The following FZR1 variants were observed in gnomAD, a reference collection of about 807,000 sequenced individuals.
FZR1 encodes the protein fizzy-related protein homolog.
In FZR1, 11 loss-of-function variants were observed where a neutral mutation model predicts 63.6. That is an observed-to-expected ratio of 0.17 (90% confidence interval 0.11 to 0.29). The LOEUF (loss-of-function observed/expected upper bound fraction) is 0.29. Among genes scored for constraint, FZR1 ranks in the 10% least tolerant of loss-of-function variants. FZR1 has a pLI of 1.00. For missense variants in FZR1, 440 were observed against 687.5 expected (o/e 0.64, Z 4.03); for synonymous variants, 328 against 297.9 (o/e 1.10, Z -1.04).
At chr19:3,529,410 AGATGGGAGAGTG>A (rs2083206456) in intron 7 of FZR1, among the ~76,000 whole-genome samples, 1 of 96,650 alleles carries the variant, frequency 1.0e-5, no homozygotes, top group African/African-American at 4.0e-5. Flanking sequence ...ATGGGAGAGC[AGATGGGAGAGTG>A]GATGAGAGTG....
chr19:3,527,982 C>T (rs1270091033), intron 7 of FZR1, among the ~76,000 whole-genome samples, 168 bp downstream of exon 7: 1 of 151,952 alleles, frequency 6.6e-6, no homozygotes, highest in African/African-American at 2.4e-5. Context: ...AGCCACTACC[C>T]TCCCAGCCCT....
intron 1 of FZR1, among the ~76,000 whole-genome samples, chr19:3,509,006 C>T (rs983176978): frequency 1.3e-5 from 2 of 152,224 alleles, no homozygotes; most frequent in Non-Finnish European, 2.9e-5. Flanking sequence ...GACCTGGGCA[C>T]CTACCAGCAG....
At chr19:3,511,967 C>T (rs956588274) in intron 1 of FZR1, among the ~76,000 whole-genome samples, 4 of 152,186 alleles carry the variant, frequency 2.6e-5, no homozygotes, top group Admixed American at 6.5e-5. Context: ...CGCTAGGCCC[C>T]GGCTCTGGTT....
intron 1 of FZR1, among the ~76,000 whole-genome samples, chr19:3,508,920 G>A (rs545300065): frequency 2.0e-5 from 3 of 152,256 alleles, no homozygotes; most frequent in East Asian, 3.9e-4. Context: ...CCTGGTCCCC[G>A]CTCCGCCTCC....
At chr19:3,518,901 C>T (rs1038463499) in intron 1 of FZR1, among the ~76,000 whole-genome samples, 1 of 152,210 alleles carries the variant, frequency 6.6e-6, no homozygotes, top group Non-Finnish European at 1.5e-5. Flanking sequence ...CACATGCCAC[C>T]ACCTGGAATG....
chr19:3,508,887 C>T (rs573118320), intron 1 of FZR1, among the ~76,000 whole-genome samples: 2 of 152,236 alleles, frequency 1.3e-5, no homozygotes, highest in Admixed American at 6.5e-5. Context: ...CTGTGAGCCC[C>T]GTGAGGGCAG....
chr19:3,520,866 C>T (rs746677860), intron 1 of FZR1, among the ~76,000 whole-genome samples: 5 of 152,348 alleles, frequency 3.3e-5, no homozygotes, highest in Non-Finnish European at 5.9e-5. Flanking sequence ...TACCTGGTGA[C>T]GCAAGCCAGT....
rs1187740077 is a variant in FZR1 at position 3,530,056 on chromosome 19, AGATGGGTGAGCG to A, written c.655-729_655-718del. Reference sequence around the variant, plus strand: ...TGGATGGGTGAGCGGATGGGAGAGCAGATGGGTGAGCGGATGGGAGAGCGGATGGGAGAGTGG... The same window carrying A: ...TGGATGGGTGAGCGGATGGGAGAGCAGATGGGAGAGCGGATGGGAGAGTGG... On this transcript the variant is annotated intron_variant, in intron 7 of 13. Coordinates refer to ENST00000441788, the MANE Select transcript of FZR1 (RefSeq NM_016263.4). 9.6e-5 allele frequency among the ~76,000 whole-genome samples: 5 copies of A among 52,072 alleles called. 1 individual carries two copies. Among genetic ancestry groups the A allele is most frequent in the African/African-American group, 4.1e-4 (5 of 12,070 alleles). The allele number at this position is 52,072 out of a possible 152,430, so 34.2% of individuals were successfully genotyped here. A position where few individuals can be genotyped will look rare whatever the true frequency, so the allele number is the denominator to read the frequency against.
intron 1 of FZR1, among the ~76,000 whole-genome samples, chr19:3,508,320 C>T (rs1191810499): frequency 6.6e-6 from 1 of 151,496 alleles, no homozygotes; most frequent in Non-Finnish European, 1.5e-5. Flanking sequence ...CCTCAGCCTC[C>T]TGAGTAGCTG....
Position 3,516,825 on chromosome 19 carries a change from G to T in FZR1, c.-34-6131G>T, listed in dbSNP as rs1462132357. Among the ~76,000 whole-genome samples the T allele has an allele frequency of 6.6e-6, 1 of 152,236 alleles. No individual in the cohort carries two copies. The highest frequency in any genetic ancestry group is 1.5e-5 in the Non-Finnish European group (1 of 68,036). On this transcript the variant is annotated intron_variant, in intron 1 of 13. Transcript: ENST00000441788. The surrounding 1 kb of genome is among the most constrained non-coding windows in gnomAD (Gnocchi z 6.0). The stretch of plus-strand genomic sequence containing the variant: ...GCTGCTGCCCACCTGGCAACGTTTG[G>T]GCCATTGGCTCACGGCGTCTCTGTT...
At position 3,532,401 on chromosome 19, in the gene FZR1, A is replaced by G; in HGVS notation, c.1009-16A>G. The G allele has an allele frequency of 6.3e-7, 1 of 1,578,938 alleles. No individual in the cohort carries two copies. The highest frequency in any genetic ancestry group is 8.6e-7 in the Non-Finnish European group (1 of 1,159,818). On this transcript the variant is annotated splice_polypyrimidine_tract_variant and intron_variant, in intron 10 of 13. Transcript: ENST00000441788. Reference sequence around the variant, plus strand: ...AGGGCTGGGACAGCCCCGGCCTCACAGCCCCTGTCCCCCAGCTGCTGGTCT... The same window carrying G: ...AGGGCTGGGACAGCCCCGGCCTCACGGCCCCTGTCCCCCAGCTGCTGGTCT...
intron 6 of FZR1, 100 bp from the exon 7 acceptor site, chr19:3,527,531 T>C (rs2083172680): frequency 2.2e-6 from 2 of 901,610 alleles, no homozygotes. Flanking sequence ...GGGGCCGGAC[T>C]GGGCTCCTGG....
At chr19:3,511,411 A>AG (rs2083023684) in intron 1 of FZR1, among the ~76,000 whole-genome samples, 1 of 152,138 alleles carries the variant, frequency 6.6e-6, no homozygotes, top group African/African-American at 2.4e-5. Flanking sequence ...TTCACTCTAG[A>AG]CTGCCTGCCG....
At chr19:3,512,501 G>A (rs992864713) in intron 1 of FZR1, among the ~76,000 whole-genome samples, 32 of 152,234 alleles carry the variant, frequency 2.1e-4, no homozygotes, top group African/African-American at 7.5e-4. Flanking sequence ...TGATCCCGTC[G>A]AAAGCCCACA....
At position 3,535,808 on chromosome 19, in the gene FZR1, C is replaced by T. The variant is rs2029929889; in HGVS notation, c.*972C>T. On this transcript the variant is annotated 3_prime_UTR_variant, in exon 14 of 14. Coordinates refer to ENST00000441788, the MANE Select transcript of FZR1 (RefSeq NM_016263.4). ...CCAGGCTGCCTGTGTCTTCACCTGT[C>T]CTGTCCACCAGCGCCAACAGCCGTG... 6.6e-6 allele frequency: 1 copy of T among 152,350 alleles called. No homozygotes were observed. The highest frequency in any genetic ancestry group is 2.4e-5 in the African/African-American group (1 of 41,472). 9.4% of individuals were successfully genotyped at this position (152,350 alleles called of 1,614,324 possible).
chr19:3,509,345 C>A (rs973130862), intron 1 of FZR1, among the ~76,000 whole-genome samples: 1 of 152,206 alleles, frequency 6.6e-6, no homozygotes, highest in African/African-American at 2.4e-5. Flanking sequence ...CGCCACTGAC[C>A]ACGAATGACA....
At chr19:3,523,086 G>A (rs780120605) in intron 2 of FZR1, 28 bp downstream of exon 2, 23 of 1,396,382 alleles carry the variant, frequency 1.6e-5, no homozygotes, top group Middle Eastern at 1.8e-4. Flanking sequence ...GCCCACCACT[G>A]TGGCTCCCCC....
intron 8 of FZR1, among the ~76,000 whole-genome samples, chr19:3,531,428 A>G (rs1036167447): frequency 3.3e-5 from 5 of 152,324 alleles, no homozygotes; most frequent in Middle Eastern, 3.4e-3. Flanking sequence ...CAGTGTCTGC[A>G]GTTTCTCCTT....
In FZR1 at chr19:3,532,638, C is replaced by T. The variant is rs149944711; in HGVS notation, c.1230C>T (p.His410=). 52 of 1,611,438 alleles carry T rather than the reference C, an allele frequency of 3.2e-5. No individual in the cohort carries two copies. Among genetic ancestry groups the T allele is most frequent in the East Asian group, 4.5e-5 (2 of 44,850 alleles). The change falls in exon 11 of 14, where the codon CAC becomes CAT. Residue 410 remains histidine (H), a synonymous_variant. Coordinates refer to ENST00000441788, the MANE Select transcript of FZR1 (RefSeq NM_016263.4). ...SQVCNLAWSK[H]ANELVSTHGY... is the part of the protein sequence containing the mutation. ...TGTGCAATCTGGCCTGGTCCAAGCA[C>T]GCCAACGAGCTGGTGAGCACGGGCG...
Sources: gnomAD v4.1 joint callset for allele counts (sites outside exome capture counted in the v4.1 genomes callset) on GRCh38, gnomAD v4.1.1 for gene constraint, Gnocchi (gnomAD v3.1) non-coding constraint, MANE v1.5 for transcripts, NCBI Gene and HGNC (gene_info 2026-07-23, HGNC 2026-07-21) for gene names.